The following OPA1 variants were observed in gnomAD, a reference collection of about 807,000 sequenced individuals.
The protein encoded by OPA1 is dynamin-like GTPase OPA1, mitochondrial.
In OPA1, 59 loss-of-function variants were observed where a neutral mutation model predicts 152.9. The ratio of observed to expected loss-of-function variants is 0.39; its 90% CI spans 0.31 to 0.48. The LOEUF is 0.48. Ranked by LOEUF, OPA1 falls within the 20% of genes least tolerant of loss-of-function variation. The pLI, the probability that OPA1 is intolerant of heterozygous loss-of-function variation, is 0.96. For missense variants in OPA1, 1,008 were observed against 1,216.8 expected (o/e 0.83, Z 2.55); for synonymous variants, 400 against 389.9 (o/e 1.03, Z -0.31).
intron 11 of OPA1, among the ~76,000 whole-genome samples, chr3:193,642,344 ACTCT>A (rs1208416264): frequency 6.6e-6 from 1 of 152,004 alleles, no homozygotes; most frequent in Non-Finnish European, 1.5e-5. Flanking sequence ...CACATAGTTC[ACTCT>A]CTATAGAGGT....
chr3:193,621,486 A>G (rs1045208366), intron 6 of OPA1, among the ~76,000 whole-genome samples: 1 of 152,242 alleles, frequency 6.6e-6, no homozygotes, highest in Non-Finnish European at 1.5e-5. Context: ...AGATTTCCAC[A>G]TAATGCTGCA....
At chr3:193,657,494 A>G (rs1714140713) in intron 23 of OPA1, among the ~76,000 whole-genome samples, 2 of 152,118 alleles carry the variant, frequency 1.3e-5, no homozygotes, top group African/African-American at 4.8e-5. Flanking sequence ...ACTTCTACAA[A>G]TTGTCATCTG....
At chr3:193,645,180 G>C (rs956663840) in intron 16 of OPA1, among the ~76,000 whole-genome samples, 3 of 152,082 alleles carry the variant, frequency 2.0e-5, no homozygotes, top group African/African-American at 7.2e-5. Context: ...CATTTATTGA[G>C]TGCTTCATGC....
intron 29 of OPA1, among the ~76,000 whole-genome samples, chr3:193,674,870 G>T (rs528286668): frequency 3.0e-4 from 46 of 152,156 alleles, no homozygotes; most frequent in Non-Finnish European, 3.8e-4. Context: ...GTAGAAAGGG[G>T]AAGTGATGTG....
intron 11 of OPA1, among the ~76,000 whole-genome samples, chr3:193,642,419 T>A (rs1160597053): frequency 6.6e-6 from 1 of 152,222 alleles, no homozygotes; most frequent in Non-Finnish European, 1.5e-5. Flanking sequence ...AGGTTTCCTT[T>A]TAGTGTTTCA....
chr3:193,621,431 C>T (rs1381393155), intron 6 of OPA1, among the ~76,000 whole-genome samples: 3 of 152,106 alleles, frequency 2.0e-5, no homozygotes, highest in Non-Finnish European at 4.4e-5. Flanking sequence ...TTTAGGTGTC[C>T]TGGAAAGTTA....
intron 1 of OPA1, chr3:193,613,809 C>T (rs1728616064): frequency 6.8e-6 from 3 of 444,008 alleles, no homozygotes; most frequent in South Asian, 3.5e-5. Context: ...AACTCCTGAC[C>T]TCAGGTGATT....
In OPA1 at chr3:193,644,097, C is replaced by T; in HGVS notation, c.1600C>T (p.Pro534Ser). Residue 534 changes from proline to serine, a missense_variant, in exon 16 of 31, where the codon CCA becomes TCA. Physicochemically the swap from Pro to Ser is moderately conservative, Grantham distance 74. Coordinates refer to ENST00000361510, the MANE Select transcript of OPA1 (RefSeq NM_130837.3). ...VDLAEKNVAS[P>S]SRIQQIIEGK... ...CCTGGCAGAGAAAAATGTAGCCAGT[C>T]CAAGCAGGGTGAGGTCAAATTCTTT... The T allele has an allele frequency of 6.2e-7, 1 of 1,613,380 alleles. No homozygotes were observed.
At chr3:193,638,484 G>T (rs1407952457) in intron 11 of OPA1, among the ~76,000 whole-genome samples, 1 of 152,162 alleles carries the variant, frequency 6.6e-6, no homozygotes, top group Non-Finnish European at 1.5e-5. Context: ...GAAAAAAAGT[G>T]CAGCTCAACA....
rs551877850 is a variant in OPA1, at chr3:193,656,600, G to A, written c.2179-480G>A. On this transcript the variant is annotated intron_variant, in intron 22 of 30. Transcript: ENST00000361510. ...ATCATTAAGACATTTAAAACCTTTT[G>A]CAGTGTGAAAGAAGCAGTCAGACTC... Among the ~76,000 whole-genome samples, 4 of 152,252 alleles carry A rather than the reference G, an allele frequency of 2.6e-5. No individual in the cohort carries two copies. In the East Asian group the frequency reaches 7.7e-4, roughly 29 times the overall value.
At chr3:193,652,386 C>T (rs913804612) in intron 21 of OPA1, among the ~76,000 whole-genome samples, 2 of 140,076 alleles carry the variant, frequency 1.4e-5, no homozygotes, top group Admixed American at 7.3e-5. Flanking sequence ...TGTCTGAAAA[C>T]AAACAAACAA....
At chr3:193,643,855 C>A (rs566368946) in intron 15 of OPA1, 120 bp from the exon 16 acceptor site, 5 of 1,120,306 alleles carry the variant, frequency 4.5e-6, no homozygotes, top group South Asian at 1.4e-5. Flanking sequence ...TAGTAAATAA[C>A]GTAAATGTAT....
intron 13 of OPA1, 86 bp downstream of exon 13, chr3:193,643,135 TTAG>T: frequency 9.0e-7 from 1 of 1,115,554 alleles, no homozygotes; most frequent in Non-Finnish European, 1.3e-6. Flanking sequence ...GTATTGATGT[TTAG>T]ATTGCTGCTA....
chr3:193,618,338 C>T (rs1026618710), intron 5 of OPA1, among the ~76,000 whole-genome samples: 8 of 151,868 alleles, frequency 5.3e-5, no homozygotes, highest in Admixed American at 3.9e-4. Context: ...ATTTGCCGGG[C>T]GTGGTGGCAC....
At chr3:193,625,221 T>G (rs948347794) in intron 6 of OPA1, among the ~76,000 whole-genome samples, 1 of 152,194 alleles carries the variant, frequency 6.6e-6, no homozygotes, top group African/African-American at 2.4e-5. Flanking sequence ...ATCAATATAC[T>G]ATTTTATAAT....
intron 1 of OPA1, among the ~76,000 whole-genome samples, chr3:193,611,595 T>TC (rs1728253550): frequency 4.9e-5 from 2 of 41,200 alleles, no homozygotes; most frequent in Non-Finnish European, 8.8e-5. Context: ...AGACTCCACC[T>TC]CAAAAAAAAA....
At chr3:193,595,997 T>C (rs1309393256) in intron 1 of OPA1, among the ~76,000 whole-genome samples, 1 of 152,106 alleles carries the variant, frequency 6.6e-6, no homozygotes, top group African/African-American at 2.4e-5. Context: ...ATTATTTACA[T>C]TGTAAGTCAA....
chr3:193,648,620 T>C (rs563313976), intron 20 of OPA1, 175 bp from the exon 21 acceptor site: 2 of 562,360 alleles, frequency 3.6e-6, no homozygotes, highest in Non-Finnish European at 6.5e-6. Context: ...TTTGTCCTTA[T>C]CTGCATAATG....
intron 29 of OPA1, among the ~76,000 whole-genome samples, chr3:193,688,813 C>A (rs892712218): frequency 6.6e-6 from 1 of 151,866 alleles, no homozygotes; most frequent in South Asian, 2.1e-4. Flanking sequence ...AGACCCCCAT[C>A]TTGACAAAAA....
Sources: gnomAD v4.1 joint callset for allele counts (sites outside exome capture counted in the v4.1 genomes callset) on GRCh38, gnomAD v4.1.1 for gene constraint, MANE v1.5 for transcripts, NCBI Gene and HGNC (gene_info 2026-07-23, HGNC 2026-07-21) for gene names.